The following TMEM106B variants were observed in gnomAD, a reference collection of about 807,000 sequenced individuals.
TMEM106B encodes the protein transmembrane protein 106B.
A neutral mutation model predicts 31.1 loss-of-function variants in TMEM106B; 15 were observed. The ratio of observed to expected loss-of-function variants is 0.48; its 90% CI spans 0.32 to 0.74. The LOEUF (loss-of-function observed/expected upper bound fraction) is 0.74, where lower values mean the gene tolerates loss of function less well. Among genes scored for constraint, TMEM106B ranks in the 30% least tolerant of loss-of-function variants. The pLI is 0.03. For missense variants in TMEM106B, 283 were observed against 327.3 expected (o/e 0.86, Z 1.04); for synonymous variants, 126 against 112.5 (o/e 1.12, Z -0.76).
intron 3 of TMEM106B, among the ~76,000 whole-genome samples, chr7:12,221,348 C>A (rs1781784473): frequency 6.6e-6 from 1 of 152,004 alleles, no homozygotes; most frequent in Admixed American, 6.6e-5. Flanking sequence ...TTAATAGTTG[C>A]ATTATTAGGA....
At position 12,239,119 on chromosome 7, in the gene TMEM106B, T is replaced by C. The variant is rs1782195300; in HGVS notation, c.*7144T>C. 1 of 152,198 alleles carries C rather than the reference T, an allele frequency of 6.6e-6. No homozygotes were observed. The highest frequency in any genetic ancestry group is 1.5e-5 in the Non-Finnish European group (1 of 68,034). 9.4% of individuals were successfully genotyped at this position (152,198 alleles called of 1,614,324 possible). On this transcript the variant is annotated 3_prime_UTR_variant, in exon 8 of 8. Transcript: ENST00000396668. ...TTCATCAATGATCTTAGCTAGATAT[T>C]CTGGGTAACTTACTGCAGGTTCTCC...
Position 12,237,936 on chromosome 7 carries a change from G to A in TMEM106B, c.*5961G>A, listed in dbSNP as rs1016941291. 5.9e-5 allele frequency: 9 copies of A among 152,154 alleles called. No homozygotes were observed. The highest frequency in any genetic ancestry group is 2.2e-4 in the African/African-American group (9 of 41,380). The allele number at this position is 152,154 out of a possible 1,614,324, so 9.4% of individuals were successfully genotyped here. A position where few individuals can be genotyped will look rare whatever the true frequency, so the allele number is the denominator to read the frequency against. On this transcript the variant is annotated 3_prime_UTR_variant, in exon 8 of 8. Coordinates refer to ENST00000396668, the MANE Select transcript of TMEM106B (RefSeq NM_001134232.2). ...TGCCGGCACAGGATCTTGTCTGGAT[G>A]TTGTTTGCTGATAGATCCATGTAGT...
chr7:12,225,501 C>G (rs1781882926), intron 4 of TMEM106B, among the ~76,000 whole-genome samples: 1 of 152,176 alleles, frequency 6.6e-6, no homozygotes, highest in Admixed American at 6.5e-5. Context: ...TAAAAGTGTT[C>G]CTATTTCTCC....
At chr7:12,216,602 T>G (rs888144626) in intron 2 of TMEM106B, among the ~76,000 whole-genome samples, 10 of 152,156 alleles carry the variant, frequency 6.6e-5, no homozygotes, top group Admixed American at 6.5e-4. Context: ...AGCTAGTCAG[T>G]GCAGATGGCA....
chr7:12,216,331 G>A (rs1260119299), intron 2 of TMEM106B, among the ~76,000 whole-genome samples: 2 of 151,576 alleles, frequency 1.3e-5, no homozygotes, highest in African/African-American at 4.9e-5. Context: ...TTTTTTTGGG[G>A]GGGTTTGTTT....
intron 1 of TMEM106B, among the ~76,000 whole-genome samples, chr7:12,211,940 A>C (rs1168207837): frequency 6.6e-6 from 1 of 152,202 alleles, no homozygotes; most frequent in African/African-American, 2.4e-5. Context: ...TAAACTAAGG[A>C]ACCGCTATAA....
chr7:12,229,693 A>G lies in TMEM106B; in HGVS notation c.456A>G (p.Ile152Met). The G allele has an allele frequency of 3.1e-6, 5 of 1,599,900 alleles. No homozygotes were observed. Among genetic ancestry groups the G allele is most frequent in the Non-Finnish European group, 4.3e-6 (5 of 1,175,760 alleles). ...TTTTTTTGTAGAACACACTAAATAT[A>G]ACAAACAATAACTATTACTCTGTCG... ...IYLNITNTLN[I>M]TNNNYYSVEV... Residue 152 changes from isoleucine (I) to methionine (M), a missense_variant, in exon 5 of 8, where the codon ATA (isoleucine) becomes ATG (methionine). Ile to Met is a conservative substitution (Grantham distance 10, BLOSUM62 1). Around this residue, in one of 3 missense-constraint regions of TMEM106B, gnomAD observed 201 missense variants for 211.5 expected, o/e 0.95. Coordinates refer to ENST00000396668, the MANE Select transcript of TMEM106B (RefSeq NM_001134232.2).
At chr7:12,231,243 T>C in intron 7 of TMEM106B, 128 bp downstream of exon 7, 3 of 632,634 alleles carry the variant, frequency 4.7e-6, no homozygotes, top group South Asian at 2.0e-5. Flanking sequence ...ACAAGAGTGC[T>C]ATGAGTAAAT....
chr7:12,229,585 T>C (rs1781973995), intron 4 of TMEM106B, 94 bp from the exon 5 acceptor site: 1 of 1,041,158 alleles, frequency 9.6e-7, no homozygotes, highest in African/African-American at 1.6e-5. Flanking sequence ...TCTTAATAAA[T>C]GAAGCATAGC....
chr7:12,214,146 G>C (rs1472155877), intron 1 of TMEM106B: 1 of 152,144 alleles, frequency 6.6e-6, no homozygotes, highest in Non-Finnish European at 1.5e-5. Flanking sequence ...GCCTTGCAAA[G>C]CTGTCTCTCG....
At position 12,240,672 on chromosome 7, in the gene TMEM106B, T is replaced by C. The variant is rs1377784466; in HGVS notation, c.*8697T>C. 6.6e-6 allele frequency: 1 copy of C among 151,518 alleles called. No homozygotes were observed. Among genetic ancestry groups the C allele is most frequent in the Admixed American group, 6.6e-5 (1 of 15,224 alleles). The allele number at this position is 151,518 out of a possible 1,614,324, so 9.4% of individuals were successfully genotyped here. A position where few individuals can be genotyped will look rare whatever the true frequency, so the allele number is the denominator to read the frequency against. On this transcript the variant is annotated 3_prime_UTR_variant, in exon 8 of 8. Transcript: ENST00000396668. ...AATCATTAATAAGTTTGTGAGGCTT[T>C]TTTTTTTTTTCTGGTAGATTTCTGT...
At chr7:12,217,816 C>G (rs1482703671) in intron 2 of TMEM106B, among the ~76,000 whole-genome samples, 3 of 152,084 alleles carry the variant, frequency 2.0e-5, no homozygotes, top group Non-Finnish European at 4.4e-5. Context: ...GATAAGCCAA[C>G]TTCTAATAAG....
intron 3 of TMEM106B, among the ~76,000 whole-genome samples, chr7:12,218,945 T>A (rs2128524779): frequency 6.6e-6 from 1 of 152,258 alleles, no homozygotes; most frequent in Non-Finnish European, 1.5e-5. Context: ...ATATGAGCCC[T>A]GATACACAAA....
In TMEM106B at chr7:12,231,946, T is replaced by TATTTAA; in HGVS notation, c.799_804dup (p.Leu267_Asn268dup). 1 of 1,612,120 alleles carries TATTTAA rather than the reference T, an allele frequency of 6.2e-7. No homozygotes were observed. The highest frequency in any genetic ancestry group is 8.5e-7 in the Non-Finnish European group (1 of 1,178,668). Reference sequence around the variant, plus strand: ...AACTTATCAGTTGGGGCAGTCTGAATATTTAAATGTACTTCAGCCACAACA... The same window carrying TATTTAA: ...AACTTATCAGTTGGGGCAGTCTGAATATTTAAATTTAAATGTACTTCAGCCACAACA... On this transcript the variant is annotated inframe_insertion, in exon 8 of 8. Transcript: ENST00000396668.
chr7:12,237,816 TACAC>T lies in TMEM106B; in HGVS notation c.*5878_*5881del, dbSNP rs71027485. The T allele has an allele frequency of 0.14, 17,031 of 124,740 alleles. 1,120 individuals are homozygous for T. The highest frequency in any genetic ancestry group is 0.16 in the Non-Finnish European group (9,108 of 56,914). 7.7% of individuals were successfully genotyped at this position (124,740 alleles called of 1,614,324 possible). ...CGAGACCCCATATAAAATATATACA[TACAC>T]ACACACACACACACACACACACACA... is the stretch of plus-strand genomic sequence containing the variant. On this transcript the variant is annotated 3_prime_UTR_variant, in exon 8 of 8. Transcript: ENST00000396668.
intron 4 of TMEM106B, among the ~76,000 whole-genome samples, chr7:12,225,339 G>A (rs1298176047): frequency 1.3e-5 from 2 of 152,172 alleles, no homozygotes; most frequent in Non-Finnish European, 2.9e-5. Context: ...ACGTGTTAAT[G>A]TGTCTTTATA....
intron 4 of TMEM106B, among the ~76,000 whole-genome samples, chr7:12,229,227 A>T (rs1193282972): frequency 6.6e-6 from 1 of 152,176 alleles, no homozygotes; most frequent in Non-Finnish European, 1.5e-5. Context: ...TTACTTAAGC[A>T]TGTGAATGAT....
At position 12,233,388 on chromosome 7, in the gene TMEM106B, C is replaced by T. The variant is rs1039995793; in HGVS notation, c.*1413C>T. The T allele has an allele frequency of 9.9e-5, 15 of 151,532 alleles. No homozygotes were observed. Among genetic ancestry groups the T allele is most frequent in the Middle Eastern group, 3.4e-3 (1 of 294 alleles). 9.4% of individuals were successfully genotyped at this position (151,532 alleles called of 1,614,324 possible). ...TGACAGAAATCAGGTTTCCCTTTCCCCACCCCTAAGTGCCTAACTTAGGTC... is the reference window on the plus strand; with the variant it reads ...TGACAGAAATCAGGTTTCCCTTTCCTCACCCCTAAGTGCCTAACTTAGGTC... On this transcript the variant is annotated 3_prime_UTR_variant, in exon 8 of 8. Coordinates refer to ENST00000396668, the MANE Select transcript of TMEM106B (RefSeq NM_001134232.2).
In TMEM106B at chr7:12,234,425, C is replaced by T. The variant is rs1782088670; in HGVS notation, c.*2450C>T. The stretch of plus-strand genomic sequence containing the variant: ...AATAAAGATGGTATGTGACTACTTT[C>T]AGAGAGAGTTAAGTAACTGTCAGAA... On this transcript the variant is annotated 3_prime_UTR_variant, in exon 8 of 8. Transcript: ENST00000396668. 1 of 151,764 alleles carries T rather than the reference C, an allele frequency of 6.6e-6. No homozygotes were observed. Among genetic ancestry groups the T allele is most frequent in the African/African-American group, 2.4e-5 (1 of 41,408 alleles). 9.4% of individuals were successfully genotyped at this position (151,764 alleles called of 1,614,324 possible). A position where few individuals can be genotyped will look rare whatever the true frequency, so the allele number is the denominator to read the frequency against.
Sources: allele counts gnomAD v4.1 joint callset (sites outside exome capture counted in the v4.1 genomes callset), GRCh38; gene constraint gnomAD v4.1.1; regional missense constraint gnomAD v4.1.1; transcripts MANE v1.5; gene names NCBI Gene and HGNC (gene_info 2026-07-23, HGNC 2026-07-21).